The following CSMD1 variants were observed in gnomAD, a reference collection of about 807,000 sequenced individuals.
CSMD1 encodes CUB and Sushi multiple domains 1.
Under a neutral mutation model 417.5 loss-of-function variants are expected in CSMD1, and 213 were observed. The observed-to-expected ratio is 0.51, with a 90% confidence interval of 0.46 to 0.57. CSMD1 has a LOEUF of 0.57. Among genes scored for constraint, CSMD1 ranks in the 20% least tolerant of loss-of-function variants. The pLI, the probability that CSMD1 is intolerant of heterozygous loss-of-function variation, is 0.00. For missense variants in CSMD1, 6,923 were observed against 4,529.7 expected, an observed-to-expected ratio of 1.53 and a Z score of -15.17; for synonymous variants, 2,862 against 1,736.8, an observed-to-expected ratio of 1.65 and a Z score of -16.11.
intron 1 of CSMD1, among the ~76,000 whole-genome samples, chr8:4,745,760 T>C (rs1311665455): frequency 6.6e-6 from 1 of 152,182 alleles, no homozygotes; most frequent in Non-Finnish European, 1.5e-5. Context: ...TATTTAAATC[T>C]ATAGGAACAC....
chr8:4,021,505 C>A, intron 4 of CSMD1, among the ~76,000 whole-genome samples: 1 of 152,252 alleles, frequency 6.6e-6, no homozygotes, highest in South Asian at 2.1e-4. Context: ...TCCCCAGCAT[C>A]GTCCTCAGTA....
chr8:3,662,764 T>C (rs1798484535), intron 7 of CSMD1, among the ~76,000 whole-genome samples: 1 of 151,904 alleles, frequency 6.6e-6, no homozygotes, highest in South Asian at 2.1e-4. Context: ...CCGCATGTTC[T>C]CACTCATAAG....
At chr8:4,091,902 T>C (rs914255024) in intron 3 of CSMD1, among the ~76,000 whole-genome samples, 1 of 152,196 alleles carries the variant, frequency 6.6e-6, no homozygotes, top group Admixed American at 6.5e-5. Context: ...TACAGAGTTT[T>C]AAATAGTCAG....
chr8:4,831,398 G>A (rs1800140241), intron 1 of CSMD1, among the ~76,000 whole-genome samples: 1 of 152,120 alleles, frequency 6.6e-6, no homozygotes, highest in South Asian at 2.1e-4. Context: ...GGACAAAACT[G>A]CCGTCATTTA....
In CSMD1 at chr8:4,817,730, C is replaced by T. The variant is rs534582544; in HGVS notation, c.85+176602G>A. Among the ~76,000 whole-genome samples the T allele has an allele frequency of 5.3e-4, 80 of 152,156 alleles. 1 individual carries two copies. The highest frequency in any genetic ancestry group is 9.6e-4 in the Non-Finnish European group (65 of 68,024). On this transcript the variant is annotated intron_variant, in intron 1 of 69. Transcript: ENST00000635120. ...TAAATTGCATAATTTTGTTTGTAGT[C>T]GAATTAATATAATGCAGCTATCACG...
At chr8:4,064,071 T>G (rs958561489) in intron 3 of CSMD1, among the ~76,000 whole-genome samples, 16 of 152,178 alleles carry the variant, frequency 1.1e-4, no homozygotes, top group Non-Finnish European at 2.1e-4. Context: ...GTGCGCAGTG[T>G]GAAGCCCATG....
At chr8:3,897,085 C>T (rs1460507680) in intron 5 of CSMD1, among the ~76,000 whole-genome samples, 1 of 152,022 alleles carries the variant, frequency 6.6e-6, no homozygotes, top group Non-Finnish European at 1.5e-5. Context: ...TCCGAATGTT[C>T]CTTTCAATAC....
At chr8:3,649,191 T>C (rs965158756) in intron 7 of CSMD1, among the ~76,000 whole-genome samples, 2 of 152,192 alleles carry the variant, frequency 1.3e-5, no homozygotes, top group Admixed American at 1.3e-4. Flanking sequence ...ATGGCAGGTT[T>C]GTACTGATAC....
rs576524150 is a variant in CSMD1 at position 4,736,808 on chromosome 8, C to A, written c.86-99250G>T. The stretch of plus-strand genomic sequence containing the variant: ...ACTTTTGTATAAACAAGTGCCTTCA[C>A]TTCCCCACTGTGCTGTCTGATTTGT... On this transcript the variant is annotated intron_variant, in intron 1 of 69. Transcript: ENST00000635120. 8.5e-5 allele frequency among the ~76,000 whole-genome samples: 13 copies of A among 152,306 alleles called. 1 individual carries two copies. The South Asian group carries it at 2.5e-3, about 29-fold the overall frequency.
chr8:4,083,911 A>G (rs1231889068), intron 3 of CSMD1, among the ~76,000 whole-genome samples: 1 of 152,208 alleles, frequency 6.6e-6, no homozygotes, highest in Non-Finnish European at 1.5e-5. Flanking sequence ...GGCGACTTAC[A>G]AAATGAGAGA....
At chr8:4,689,492 C>A (rs73659188) in intron 1 of CSMD1, among the ~76,000 whole-genome samples, 10 of 152,008 alleles carry the variant, frequency 6.6e-5, no homozygotes, top group Admixed American at 6.6e-4. Flanking sequence ...TTCTTTATGA[C>A]GTATTTCTTG....
chr8:3,343,138 A>C (rs1443938745), intron 23 of CSMD1, among the ~76,000 whole-genome samples, 156 bp downstream of exon 23: 1 of 152,218 alleles, frequency 6.6e-6, no homozygotes, highest in Non-Finnish European at 1.5e-5. Flanking sequence ...ATGTGTCCGA[A>C]TATACAACCA....
chr8:3,937,572 C>T (rs1437284459), intron 5 of CSMD1, among the ~76,000 whole-genome samples: 2 of 152,098 alleles, frequency 1.3e-5, no homozygotes, highest in African/African-American at 2.4e-5. Flanking sequence ...AATGCAGTGT[C>T]ATGTAAATAT....
rs192565060 is a variant in CSMD1, at chr8:3,252,190, C to G, written c.4154-21959G>C. On this transcript the variant is annotated intron_variant, in intron 26 of 69. Coordinates refer to ENST00000635120, the MANE Select transcript of CSMD1 (RefSeq NM_033225.6). ...TTTTGCCCATTCAGTATGATATTGG[C>G]TGTGGGTTTGTCATAGATAGCTCTT... 6.6e-3 allele frequency among the ~76,000 whole-genome samples: 1,004 copies of G among 152,246 alleles called. 10 individuals are homozygous for G. Among genetic ancestry groups the G allele is most frequent in the African/African-American group, 0.023 (944 of 41,534 alleles).
chr8:4,807,043 T>C (rs1798629444), intron 1 of CSMD1, among the ~76,000 whole-genome samples: 2 of 152,226 alleles, frequency 1.3e-5, no homozygotes, highest in African/African-American at 4.8e-5. Flanking sequence ...CAAAATAGAC[T>C]TATCTTGAAA....
intron 21 of CSMD1, among the ~76,000 whole-genome samples, chr8:3,355,743 G>A (rs1385898781): frequency 6.6e-6 from 1 of 152,152 alleles, no homozygotes; most frequent in Non-Finnish European, 1.5e-5. Context: ...CTCACCTGAA[G>A]ATGTCCCTAG....
At chr8:3,275,373 A>G (rs1246864816) in intron 26 of CSMD1, among the ~76,000 whole-genome samples, 1 of 150,894 alleles carries the variant, frequency 6.6e-6, no homozygotes, top group Non-Finnish European at 1.5e-5. Context: ...TTTTTCCTTC[A>G]TTTCACCTTT....
At chr8:3,218,829 G>A (rs546176648) in intron 29 of CSMD1, among the ~76,000 whole-genome samples, 1 of 152,016 alleles carries the variant, frequency 6.6e-6, no homozygotes, top group East Asian at 1.9e-4. Flanking sequence ...CTGACATCGT[G>A]CCATTGCCCT....
intron 3 of CSMD1, among the ~76,000 whole-genome samples, chr8:4,079,284 G>A (rs1014433762): frequency 3.9e-5 from 6 of 152,248 alleles, no homozygotes; most frequent in South Asian, 2.1e-4. Context: ...ATCAAGTACT[G>A]TACCATGAGC....
Sources: allele counts gnomAD v4.1 joint callset (sites outside exome capture counted in the v4.1 genomes callset), GRCh38; gene constraint gnomAD v4.1.1; transcripts MANE v1.5; gene names NCBI Gene and HGNC (gene_info 2026-07-23, HGNC 2026-07-21).